The following SPATA6 variants were observed in gnomAD, a reference collection of about 807,000 sequenced individuals.
SPATA6 encodes spermatogenesis associated 6.
Under a neutral mutation model 65.3 loss-of-function variants are expected in SPATA6, and 56 were observed. That is an observed-to-expected ratio of 0.86 (90% CI 0.69 to 1.07). The LOEUF (loss-of-function observed/expected upper bound fraction) is 1.07. Among genes scored for constraint, SPATA6 ranks in the 50% least tolerant of loss-of-function variants. The probability of loss-of-function intolerance (pLI) is 0.00; values close to 1 mark genes in which losing one functional copy is unlikely to be tolerated. For missense variants in SPATA6, 590 were observed against 594.8 expected, an observed-to-expected ratio of 0.99 and a Z score of 0.08; for synonymous variants, 199 against 213.2, an observed-to-expected ratio of 0.93 and a Z score of 0.58.
intron 11 of SPATA6, among the ~76,000 whole-genome samples, chr1:48,316,038 C>A (rs1645406397): frequency 1.3e-5 from 2 of 152,064 alleles, no homozygotes; most frequent in South Asian, 4.2e-4. Context: ...ATAAAAGATA[C>A]AAACAAATGG....
intron 10 of SPATA6, among the ~76,000 whole-genome samples, chr1:48,357,221 TAACTC>T (rs924748175): frequency 7.2e-5 from 11 of 152,146 alleles, no homozygotes; most frequent in Non-Finnish European, 1.3e-4. Flanking sequence ...ATTTGAGTAA[TAACTC>T]AAAAGCTCAC....
chr1:48,286,302 C>T, the SPATA6 span, among the ~76,000 whole-genome samples: 2 of 151,728 alleles, frequency 1.3e-5, no homozygotes, highest in Non-Finnish European at 2.9e-5. Flanking sequence ...CTCTTTTAAT[C>T]CATAAACATA....
downstream of SPATA6, among the ~76,000 whole-genome samples, chr1:48,291,950 G>T (rs991895890): frequency 4.6e-5 from 7 of 152,090 alleles, no homozygotes; most frequent in Non-Finnish European, 1.0e-4. Flanking sequence ...TTGTCATTTT[G>T]TCCCCGCTTT....
intron 11 of SPATA6, among the ~76,000 whole-genome samples, chr1:48,314,959 C>A (rs149816942): frequency 2.6e-5 from 4 of 152,130 alleles, no homozygotes; most frequent in African/African-American, 9.7e-5. Flanking sequence ...TGGATAAATC[C>A]TTGACACATA....
chr1:48,374,040 A>G (rs1255782159), intron 9 of SPATA6, among the ~76,000 whole-genome samples: 4 of 152,182 alleles, frequency 2.6e-5, no homozygotes, highest in African/African-American at 9.7e-5. Context: ...GGCCCCATCT[A>G]CCTGCAATTA....
chr1:48,386,039 C>G (rs922721313), intron 8 of SPATA6, among the ~76,000 whole-genome samples: 5 of 152,124 alleles, frequency 3.3e-5, no homozygotes, highest in African/African-American at 1.2e-4. Context: ...CTCAAACAAG[C>G]AGGGGTTCAA....
chr1:48,417,836 AAAAAC>A (rs1193166937), intron 3 of SPATA6, among the ~76,000 whole-genome samples: 1 of 152,142 alleles, frequency 6.6e-6, no homozygotes, highest in African/African-American at 2.4e-5. Flanking sequence ...TCAAAAACAA[AAAAAC>A]AAAACAAAAC....
intron 11 of SPATA6, 90 bp from the exon 12 acceptor site, chr1:48,305,968 C>A: frequency 1.1e-6 from 1 of 903,204 alleles, no homozygotes; most frequent in South Asian, 1.8e-5. Flanking sequence ...CTTCCCCTCC[C>A]TTTATAAATT....
chr1:48,371,992 G>A (rs1311126657), intron 9 of SPATA6, among the ~76,000 whole-genome samples: 1 of 152,148 alleles, frequency 6.6e-6, no homozygotes, highest in African/African-American at 2.4e-5. Flanking sequence ...CCTACAACAT[G>A]TGGGAATTCT....
At chr1:48,367,381 A>T (rs558379742) in intron 9 of SPATA6, among the ~76,000 whole-genome samples, 1,779 of 152,058 alleles carry the variant, frequency 0.012, 44 homozygotes, top group African/African-American at 0.041. Context: ...AATCTGTCTA[A>T]TGTTGACAGT....
At chr1:48,439,316 C>T (rs1185246106) in intron 3 of SPATA6, among the ~76,000 whole-genome samples, 2 of 152,204 alleles carry the variant, frequency 1.3e-5, no homozygotes, top group Non-Finnish European at 2.9e-5. Context: ...AGGAGGAAAA[C>T]TAGTGTTTCT....
chr1:48,462,997 G>A (rs1657561090), intron 1 of SPATA6, among the ~76,000 whole-genome samples: 1 of 152,148 alleles, frequency 6.6e-6, no homozygotes, highest in African/African-American at 2.4e-5. Flanking sequence ...CTCTCCTTGA[G>A]CTCGGACATC....
At chr1:48,407,751 C>T (rs558330603) in intron 5 of SPATA6, among the ~76,000 whole-genome samples, 1 of 152,148 alleles carries the variant, frequency 6.6e-6, no homozygotes, top group Non-Finnish European at 1.5e-5. Context: ...TATAAGAACT[C>T]TCAATCTCTT....
At chr1:48,339,326 C>CT (rs912157517) in intron 11 of SPATA6, among the ~76,000 whole-genome samples, 3 of 152,018 alleles carry the variant, frequency 2.0e-5, no homozygotes, top group Non-Finnish European at 4.4e-5. Flanking sequence ...GCCTTTGACG[C>CT]TACCTGCCTA....
chr1:48,420,210 G>A (rs1653194264), intron 3 of SPATA6, among the ~76,000 whole-genome samples: 1 of 152,102 alleles, frequency 6.6e-6, no homozygotes, highest in Admixed American at 6.5e-5. Context: ...GTTCCTGGAG[G>A]GTGGCTCATC....
chr1:48,448,631 T>C lies in SPATA6; in HGVS notation c.238+2921A>G, dbSNP rs2148141244. 2.6e-5 allele frequency among the ~76,000 whole-genome samples: 4 copies of C among 152,040 alleles called. No homozygotes were observed. In the South Asian group the frequency reaches 8.3e-4, roughly 32 times the overall value. ...CCCAAAACATAATTGCCCAAAACAG[T>C]CCAAATGTCCATCAAATAGTCAATA... On this transcript the variant is annotated intron_variant, in intron 3 of 12. Transcript: ENST00000371847.
At chr1:48,375,311 A>G (rs1045140446) in intron 9 of SPATA6, among the ~76,000 whole-genome samples, 1 of 152,094 alleles carries the variant, frequency 6.6e-6, no homozygotes, top group African/African-American at 2.4e-5. Context: ...AACAATACTA[A>G]TATGTATCTC....
chr1:48,400,107 T>A (rs1212792596), intron 6 of SPATA6, among the ~76,000 whole-genome samples: 1 of 151,874 alleles, frequency 6.6e-6, no homozygotes. Context: ...ATAAGTTTCA[T>A]CCCTTCTGCT....
chr1:48,357,934 T>C (rs1646703668), intron 10 of SPATA6, among the ~76,000 whole-genome samples: 2 of 152,206 alleles, frequency 1.3e-5, no homozygotes, highest in South Asian at 2.1e-4. Flanking sequence ...TAAATTGCCA[T>C]TGTATTCTTT....
Sources: gnomAD v4.1 joint callset for allele counts (sites outside exome capture counted in the v4.1 genomes callset) on GRCh38, gnomAD v4.1.1 for gene constraint, MANE v1.5 for transcripts, NCBI Gene and HGNC (gene_info 2026-07-23, HGNC 2026-07-21) for gene names.